CCNA2: variants seen among roughly 807,000 people sequenced by gnomAD.
CCNA2 encodes cyclin A2, also known as cyclin-A2.
Under a neutral mutation model 49.4 loss-of-function variants are expected in CCNA2, and 3 were observed. The observed-to-expected ratio is 0.06, with a 90% CI of 0.03 to 0.16. CCNA2 has a LOEUF of 0.16. CCNA2 is among the 10% of genes least tolerant of loss of function. The pLI, the probability that CCNA2 is intolerant of heterozygous loss-of-function variation, is 1.00. For missense variants in CCNA2, 372 were observed against 519.7 expected, an observed-to-expected ratio of 0.72 and a Z score of 2.76; for synonymous variants, 206 against 197.2, an observed-to-expected ratio of 1.04 and a Z score of -0.37.
chr4:121,816,563 T>TTC lies in CCNA2; in HGVS notation c.*1073_*1074dup, dbSNP rs1358452988. The TTC allele has an allele frequency of 2.4e-6, 2 of 817,856 alleles. No individual in the cohort carries two copies. Among genetic ancestry groups the TTC allele is most frequent in the Non-Finnish European group, 3.8e-6 (2 of 531,320 alleles). 50.7% of individuals were successfully genotyped at this position (817,856 alleles called of 1,614,324 possible). A position where few individuals can be genotyped will look rare whatever the true frequency, so the allele number is the denominator to read the frequency against. On this transcript the variant is annotated 3_prime_UTR_variant, in exon 8 of 8. Transcript: ENST00000274026. ...ACTATAAACAAAAAGACATCCCTTTTTCATTAGAGATCCATCTGTTCTGTG... is the reference window on the plus strand; with the variant it reads ...ACTATAAACAAAAAGACATCCCTTTTTCTCATTAGAGATCCATCTGTTCTGTG...
chr4:121,819,278 GTACAAAGGAACTAGGTTCCTT>G (rs1177050761), intron 5 of CCNA2, 73 bp downstream of exon 5: 2 of 898,614 alleles, frequency 2.2e-6, no homozygotes, highest in Non-Finnish European at 3.5e-6. Flanking sequence ...CACCACTGCT[GTACAAAGGAACTAGGTTCCTT>G]TACAAAGGAA....
In CCNA2 at chr4:121,820,192, C is replaced by T. The variant is rs185066716; in HGVS notation, c.794+350G>A. Among the ~76,000 whole-genome samples the T allele has an allele frequency of 1.6e-3, 236 of 152,232 alleles. No individual in the cohort carries two copies. The highest frequency in any genetic ancestry group is 2.7e-3 in the Non-Finnish European group (184 of 68,002). ...CTGACCTCAAGTGATCCGCCCACCTCGGCCTCCCAAAGTGCTGGGATTACA... is the reference window on the plus strand; with the variant it reads ...CTGACCTCAAGTGATCCGCCCACCTTGGCCTCCCAAAGTGCTGGGATTACA... On this transcript the variant is annotated intron_variant, in intron 4 of 7. Coordinates refer to ENST00000274026, the MANE Select transcript of CCNA2 (RefSeq NM_001237.5). The surrounding 1 kb of genome is among the most constrained non-coding windows in gnomAD (Gnocchi z 4.1).
At chr4:121,817,953 C>T in intron 7 of CCNA2, 91 bp downstream of exon 7, 1 of 1,279,778 alleles carries the variant, frequency 7.8e-7, no homozygotes, top group South Asian at 1.4e-5. Flanking sequence ...CTCAAGGAGG[C>T]TATGGCAGAT....
In CCNA2 at chr4:121,819,519, G is replaced by A; in HGVS notation, c.855C>T (p.Thr285=). ...TTCTCAGAACTTGTTTCTTGGTGTA[G>A]GTATCATCTGTAATGTACACAAACT... ...VAEFVYITDD[T]YTKKQVLRME... is the part of the protein sequence containing the mutation. The change falls in exon 5 of 8, where the codon ACC becomes ACT. Residue 285 remains threonine, a synonymous_variant. Coordinates refer to ENST00000274026, the MANE Select transcript of CCNA2 (RefSeq NM_001237.5). The A allele has an allele frequency of 6.2e-7, 1 of 1,613,778 alleles. No homozygotes were observed. Among genetic ancestry groups the A allele is most frequent in the Non-Finnish European group, 8.5e-7 (1 of 1,179,706 alleles).
intron 1 of CCNA2, among the ~76,000 whole-genome samples, chr4:121,823,110 G>C (rs1284097704): frequency 6.6e-6 from 1 of 152,178 alleles, no homozygotes; most frequent in Admixed American, 6.5e-5. Context: ...GTTTAAAAGT[G>C]GAGAGAAAGG....
intron 5 of CCNA2, 119 bp from the exon 6 acceptor site, chr4:121,819,032 A>G (rs967905336): frequency 3.0e-6 from 2 of 659,538 alleles, no homozygotes; most frequent in African/African-American, 1.8e-5. Context: ...TCTAGAAAAA[A>G]TATCTCACAG....
chr4:121,818,968 CCT>C (rs1282630810), intron 5 of CCNA2, 55 bp from the exon 6 acceptor site: 30 of 1,161,434 alleles, frequency 2.6e-5, no homozygotes, highest in Non-Finnish European at 3.6e-5. Flanking sequence ...AAATGTCAAA[CCT>C]CTGCCTTCTA....
chr4:121,816,849 C>T lies in CCNA2; in HGVS notation c.*789G>A, dbSNP rs751255089. The T allele has an allele frequency of 1.1e-5, 17 of 1,583,996 alleles. No individual in the cohort carries two copies. The highest frequency in any genetic ancestry group is 1.3e-5 in the Non-Finnish European group (15 of 1,162,292). The stretch of plus-strand genomic sequence containing the variant: ...AAAAGAAGAAAAAAGAAGAGAGCTG[C>T]CAATTAAAGCTAACAGTTGTATATC... On this transcript the variant is annotated 3_prime_UTR_variant, in exon 8 of 8. Coordinates refer to ENST00000274026, the MANE Select transcript of CCNA2 (RefSeq NM_001237.5).
Position 121,816,986 on chromosome 4 carries a change from T to A in CCNA2, c.*652A>T. 1 of 908,998 alleles carries A rather than the reference T, an allele frequency of 1.1e-6. No homozygotes were observed. Among genetic ancestry groups the A allele is most frequent in the Non-Finnish European group, 1.6e-6 (1 of 637,254 alleles). The allele number at this position is 908,998 out of a possible 1,614,324, so 56.3% of individuals were successfully genotyped here. ...AGGATTTTAAAAATAGTTTTTTGTT[T>A]TTAATGTGCTTTAAAATAATAAACC... On this transcript the variant is annotated 3_prime_UTR_variant, in exon 8 of 8. Transcript: ENST00000274026.
intron 2 of CCNA2, among the ~76,000 whole-genome samples, chr4:121,821,476 C>T (rs1313039387): frequency 6.6e-6 from 1 of 152,162 alleles, no homozygotes; most frequent in Non-Finnish European, 1.5e-5. Context: ...CCAAGAGAAA[C>T]TGCAGATCCC....
Position 121,822,522 on chromosome 4 carries a change from T to C in CCNA2, c.338A>G (p.Lys113Arg), listed in dbSNP as rs1219300007. ...CTCTATTTTTTGAGATTCAGCTGGC[T>C]TCTTCTGAGCTTCTTTTTCTGCTTC... The part of the protein sequence containing the change: ...VDEAEKEAQK[K>R]PAESQKIERE... The change falls in exon 2 of 8, where the codon AAG becomes AGG. Residue 113 changes from lysine (K) to arginine (R), a missense_variant. Lys to Arg is a conservative substitution (Grantham distance 26). Around this residue, in one of 2 missense-constraint regions of CCNA2, gnomAD observed 217 missense variants for 231.7 expected, o/e 0.94. Transcript: ENST00000274026. 6.2e-7 allele frequency: 1 copy of C among 1,614,218 alleles called. No individual in the cohort carries two copies. The highest frequency in any genetic ancestry group is 8.5e-7 in the Non-Finnish European group (1 of 1,180,042).
chr4:121,823,849 C>A lies in CCNA2; in HGVS notation c.-221G>T. On this transcript the variant is annotated 5_prime_UTR_variant, in exon 1 of 8. Coordinates refer to ENST00000274026, the MANE Select transcript of CCNA2 (RefSeq NM_001237.5). ...GGCAGGCACTGCCCAGCGTGGCGAG[C>A]CAAAGACGCCCAGAGATGCAGCGAG... The A allele has an allele frequency of 1.3e-6, 1 of 749,848 alleles. No individual in the cohort carries two copies. The highest frequency in any genetic ancestry group is 2.0e-6 in the Non-Finnish European group (1 of 499,712). 46.4% of individuals were successfully genotyped at this position (749,848 alleles called of 1,614,324 possible). A position where few individuals can be genotyped will look rare whatever the true frequency, so the allele number is the denominator to read the frequency against.
At position 121,816,540 on chromosome 4, in the gene CCNA2, T is replaced by A; in HGVS notation, c.*1098A>T. The A allele has an allele frequency of 2.2e-6, 2 of 899,280 alleles. No homozygotes were observed. Among genetic ancestry groups the A allele is most frequent in the Non-Finnish European group, 3.4e-6 (2 of 593,184 alleles). 55.7% of individuals were successfully genotyped at this position (899,280 alleles called of 1,614,324 possible). On this transcript the variant is annotated 3_prime_UTR_variant, in exon 8 of 8. Transcript: ENST00000274026. Reference sequence around the variant, plus strand: ...TTTTACTCTCATCTTGCCACATGACTATAAACAAAAAGACATCCCTTTTTC... The same window carrying A: ...TTTTACTCTCATCTTGCCACATGACAATAAACAAAAAGACATCCCTTTTTC...
chr4:121,820,666 C>T lies in CCNA2; in HGVS notation c.670G>A (p.Glu224Lys). ...LVDWLVEVGE[E>K]YKLQNETLHL... ...AGGGTCTCATTCTGTAGTTTATATT[C>T]TTCTCCTACTTCAACTAACCAGTCC... Residue 224 changes from glutamate to lysine, a missense_variant, in exon 4 of 8, where the codon GAA becomes AAA. Physicochemically the swap from Glu to Lys is moderately conservative, Grantham distance 56 (BLOSUM62 1). Coordinates refer to ENST00000274026, the MANE Select transcript of CCNA2 (RefSeq NM_001237.5). This position sits in a 1 kb window ranked among gnomAD's most constrained non-coding sequence, Gnocchi z 4.1. The T allele has an allele frequency of 6.2e-7, 1 of 1,613,816 alleles. No homozygotes were observed. The highest frequency in any genetic ancestry group is 8.5e-7 in the Non-Finnish European group (1 of 1,179,696).
Position 121,818,195 on chromosome 4 carries a change from G to GAGA in CCNA2, c.1117-21_1117-19dup. On this transcript the variant is annotated intron_variant, in intron 6 of 7. Transcript: ENST00000274026. Reference sequence around the variant, plus strand: ...GATTCAGGCTACAGAGAAGGGAATAGAGAACCCCTGAGTTTTGCTTTTAGT... The same window carrying GAGA: ...GATTCAGGCTACAGAGAAGGGAATAGAGAAGAACCCCTGAGTTTTGCTTTTAGT... 1 of 1,603,768 alleles carries GAGA rather than the reference G, an allele frequency of 6.2e-7. No individual in the cohort carries two copies. Among genetic ancestry groups the GAGA allele is most frequent in the South Asian group, 1.1e-5 (1 of 89,064 alleles).
rs550453069 is a variant in CCNA2, at chr4:121,818,144, G to T, written c.1150C>A (p.Leu384Met). The T allele has an allele frequency of 3.1e-6, 5 of 1,613,664 alleles. No homozygotes were observed. The South Asian group carries it at 5.5e-5, about 18-fold the overall frequency. ...ATGAGACAAGGCTTAAGACTTTCCAGGGTATATCCAGTCTTTCGTATTAAT... is the reference window on the plus strand; with the variant it reads ...ATGAGACAAGGCTTAAGACTTTCCATGGTATATCCAGTCTTTCGTATTAAT... ...ESLIRKTGYT[L>M]ESLKPCLMDL... Residue 384 changes from leucine to methionine, a missense_variant, in exon 7 of 8, where the codon CTG becomes ATG. Transcript: ENST00000274026.
chr4:121,823,702 C>A lies in CCNA2; in HGVS notation c.-74G>T, dbSNP rs979701722. ...CGTGCACTCTGCCCAGCCGACCACT[C>A]GCACCGACCCGGCCAAAGAATAGTC... On this transcript the variant is annotated 5_prime_UTR_variant, in exon 1 of 8. Coordinates refer to ENST00000274026, the MANE Select transcript of CCNA2 (RefSeq NM_001237.5). 1.8e-5 allele frequency: 26 copies of A among 1,472,306 alleles called. No individual in the cohort carries two copies. In the African/African-American group the frequency reaches 3.5e-4, roughly 20 times the overall value. 91.2% of individuals were successfully genotyped at this position (1,472,306 alleles called of 1,614,324 possible).
chr4:121,819,338 G>T, intron 5 of CCNA2, 34 bp downstream of exon 5: 1 of 1,526,100 alleles, frequency 6.6e-7, no homozygotes, highest in Non-Finnish European at 9.1e-7. Context: ...TATTACCAAA[G>T]AATCACCATT....
In CCNA2 at chr4:121,822,433, G is replaced by A. The variant is rs1330931440; in HGVS notation, c.427C>T (p.Pro143Ser). 4 of 1,613,906 alleles carry A rather than the reference G, an allele frequency of 2.5e-6. No individual in the cohort carries two copies. The Admixed American group carries it at 6.7e-5, about 27-fold the overall frequency. ...CTACCATCCATTGGATAATCAAGAG[G>A]GACCAATGGTTTTCTGGGTCCAGGT... ...SLPGPRKPLV[P>S]LDYPMDGSFE... The change falls in exon 2 of 8, where the codon CCT (proline) becomes TCT (serine). Residue 143 changes from proline (P) to serine (S), a missense_variant. Coordinates refer to ENST00000274026, the MANE Select transcript of CCNA2 (RefSeq NM_001237.5).
Sources: allele counts gnomAD v4.1 joint callset (sites outside exome capture counted in the v4.1 genomes callset), GRCh38; gene constraint gnomAD v4.1.1; regional missense constraint gnomAD v4.1.1; non-coding constraint Gnocchi (gnomAD v3.1); transcripts MANE v1.5; gene names NCBI Gene and HGNC (gene_info 2026-07-23, HGNC 2026-07-21).